EPHA8: variants seen among roughly 807,000 people sequenced by gnomAD.
The protein encoded by EPHA8 is EPH receptor A8.
A neutral mutation model predicts 103.6 loss-of-function variants in EPHA8; 58 were observed. The ratio of observed to expected loss-of-function variants is 0.56; its 90% CI spans 0.45 to 0.70. The LOEUF (loss-of-function observed/expected upper bound fraction) is 0.70. EPHA8 is among the 30% of genes least tolerant of loss of function. The pLI is 0.00. For synonymous variants in EPHA8, 559 were observed against 572.5 expected (o/e 0.98, Z 0.34); for missense variants, 1,304 against 1,395.2 (o/e 0.93, Z 1.04).
chr1:22,592,845 G>A, intron 5 of EPHA8, among the ~76,000 whole-genome samples: 1 of 151,940 alleles, frequency 6.6e-6, no homozygotes, highest in Non-Finnish European at 1.5e-5. Context: ...CGTCAAGGAG[G>A]GAGGGGTGGG....
chr1:22,580,127 C>CTTTT (rs764600240), intron 3 of EPHA8, among the ~76,000 whole-genome samples: 13 of 97,428 alleles, frequency 1.3e-4, no homozygotes, highest in African/African-American at 4.9e-4. Context: ...CTTTCTTTCT[C>CTTTT]TTTTTTTTTT....
At chr1:22,579,278 T>C (rs1640965163) in intron 3 of EPHA8, among the ~76,000 whole-genome samples, 1 of 151,846 alleles carries the variant, frequency 6.6e-6, no homozygotes, top group Non-Finnish European at 1.5e-5. Context: ...TGTCAGAGTG[T>C]ATATATGCAT....
intron 13 of EPHA8, 117 bp from the exon 14 acceptor site, chr1:22,600,544 G>T: frequency 7.3e-7 from 1 of 1,379,042 alleles, no homozygotes; most frequent in African/African-American, 1.4e-5. Flanking sequence ...GGTGGGGGCT[G>T]TGTTGTCCCT....
intron 5 of EPHA8, among the ~76,000 whole-genome samples, chr1:22,590,180 G>C (rs1641336149): frequency 6.6e-6 from 1 of 152,152 alleles, no homozygotes; most frequent in Admixed American, 6.5e-5. Context: ...AACACAGAGA[G>C]AGAGTGAGCT....
Position 22,593,591 on chromosome 1 carries a change from A to G in EPHA8, c.1508A>G (p.Lys503Arg), listed in dbSNP as rs772488857. The change falls in exon 7 of 17, where the codon AAG (lysine) becomes AGG (arginine). Residue 503 changes from lysine (K) to arginine (R), a missense_variant. Lys to Arg is a conservative substitution (Grantham distance 26). Transcript: ENST00000166244. ...ACCAGAGCCACCGTCTCCGGCCTCA[A>G]GCCGGGCACCCGCTACGTGTTCCAG... ...VTTRATVSGL[K>R]PGTRYVFQVR... is the part of the protein sequence containing the mutation. 1.2e-6 allele frequency: 2 copies of G among 1,611,826 alleles called. No individual in the cohort carries two copies. The highest frequency in any genetic ancestry group is 2.7e-5 in the African/African-American group (2 of 74,922).
intron 7 of EPHA8, among the ~76,000 whole-genome samples, chr1:22,594,811 G>C (rs1465288448): frequency 6.6e-6 from 1 of 152,212 alleles, no homozygotes; most frequent in Non-Finnish European, 1.5e-5. Context: ...CTTTCCATCT[G>C]AAAACTGAAG....
chr1:22,570,286 G>A (rs868609042), intron 2 of EPHA8, among the ~76,000 whole-genome samples: 18 of 151,352 alleles, frequency 1.2e-4, no homozygotes, highest in South Asian at 4.2e-4. Context: ...ATGCACGCGC[G>A]TACACACACA....
At chr1:22,599,635 AAGGGAGGGAGGGAAGGAAGGAAAGG>A (rs1641623712) in intron 13 of EPHA8, among the ~76,000 whole-genome samples, 1 of 65,614 alleles carries the variant, frequency 1.5e-5, no homozygotes, top group Non-Finnish European at 2.8e-5. Flanking sequence ...GGAAGGAAGG[AAGGGAGGGAGGGAAGGAAGGAAAGG>A]AGGGAGGGAG....
chr1:22,600,243 A>G (rs1411883362), intron 13 of EPHA8, among the ~76,000 whole-genome samples: 1 of 143,782 alleles, frequency 7.0e-6, no homozygotes, highest in African/African-American at 2.6e-5. Context: ...GAGGGAAGGA[A>G]GGACAGAAGG....
chr1:22,593,822 G>A (rs1051081139), intron 7 of EPHA8, 136 bp downstream of exon 7: 18 of 1,125,466 alleles, frequency 1.6e-5, no homozygotes, highest in Non-Finnish European at 2.2e-5. Context: ...GCCCTACCAA[G>A]TGGGGTTGTC....
rs140405258 is a variant in EPHA8 at position 22,593,020 on chromosome 1, C to T, written c.1316-306C>T. On this transcript the variant is annotated intron_variant, in intron 5 of 16. Coordinates refer to ENST00000166244, the MANE Select transcript of EPHA8 (RefSeq NM_020526.5). The stretch of plus-strand genomic sequence containing the variant: ...CTGACCTTTCCTCCTTCCTCAAGCA[C>T]TCCCAAGCAGCTGGTCCATGCCGGG... Among the ~76,000 whole-genome samples the T allele has an allele frequency of 5.3e-3, 811 of 152,316 alleles. 2 individuals carry two copies. Among genetic ancestry groups the T allele is most frequent in the Non-Finnish European group, 7.9e-3 (539 of 68,034 alleles).
chr1:22,586,302 C>T (rs932397436), intron 3 of EPHA8, among the ~76,000 whole-genome samples, 178 bp from the exon 4 acceptor site: 5 of 141,238 alleles, frequency 3.5e-5, no homozygotes, highest in Non-Finnish European at 6.4e-5. Flanking sequence ...AGACACAGGC[C>T]CCCTCTGCAC....
chr1:22,585,458 C>G (rs1326523768), intron 3 of EPHA8, among the ~76,000 whole-genome samples: 1 of 152,188 alleles, frequency 6.6e-6, no homozygotes, highest in Non-Finnish European at 1.5e-5. Context: ...ATATCATCTC[C>G]TCCTCTGGGA....
chr1:22,576,646 C>G lies in EPHA8; in HGVS notation c.589C>G (p.Leu197Val). 3.1e-6 allele frequency: 5 copies of G among 1,613,942 alleles called. 1 individual carries two copies. Among genetic ancestry groups the G allele is most frequent in the Non-Finnish European group, 4.2e-6 (5 of 1,180,038 alleles). The change falls in exon 3 of 17, where the codon CTC (leucine) becomes GTC (valine). Residue 197 changes from leucine to valine, a missense_variant. Coordinates refer to ENST00000166244, the MANE Select transcript of EPHA8 (RefSeq NM_020526.5). The surrounding 1 kb of genome is among the most constrained non-coding windows in gnomAD (Gnocchi z 4.8). The part of the protein sequence containing the change: ...DIGACLAILS[L>V]RIYYKKCPAM... ...AGGTGCCTGCCTGGCCATCCTCTCT[C>G]TCCGCATCTACTATAAGAAGTGCCC... is the stretch of plus-strand genomic sequence containing the variant.
At chr1:22,596,048 G>A (rs1641508049) in intron 8 of EPHA8, 58 bp from the exon 9 acceptor site, 2 of 1,547,712 alleles carry the variant, frequency 1.3e-6, no homozygotes, top group Non-Finnish European at 1.8e-6. Context: ...CCTGGTTGGG[G>A]TCAGGTCCCG....
chr1:22,584,953 G>A (rs1409493455), intron 3 of EPHA8, among the ~76,000 whole-genome samples: 4 of 152,158 alleles, frequency 2.6e-5, no homozygotes, highest in Non-Finnish European at 5.9e-5. Context: ...ACTGACAAGC[G>A]AGTACAGCCA....
intron 13 of EPHA8, among the ~76,000 whole-genome samples, chr1:22,600,183 AGGAG>A (rs1641678970): frequency 7.5e-5 from 9 of 119,812 alleles, no homozygotes; most frequent in Middle Eastern, 4.5e-3. Context: ...GAAGGAAAGA[AGGAG>A]GGAAGGAAAG....
chr1:22,600,935 C>A lies in EPHA8; in HGVS notation c.2576C>A (p.Ala859Glu). Residue 859 changes from alanine to glutamate, a missense_variant, in exon 15 of 17, where the codon GCA (alanine) becomes GAA (glutamate). Coordinates refer to ENST00000166244, the MANE Select transcript of EPHA8 (RefSeq NM_020526.5). The stretch of plus-strand genomic sequence containing the variant: ...GTGGAGGAGGGGTACCGCCTGCCCG[C>A]ACCCATGGGCTGCCCCCACGCCCTG... The part of the protein sequence containing the change: ...SSVEEGYRLP[A>E]PMGCPHALHQ... The A allele has an allele frequency of 6.2e-7, 1 of 1,612,034 alleles. No individual in the cohort carries two copies. Among genetic ancestry groups the A allele is most frequent in the Non-Finnish European group, 8.5e-7 (1 of 1,179,390 alleles).
At position 22,576,098 on chromosome 1, in the gene EPHA8, G is replaced by A; in HGVS notation, c.160-119G>A. 8.3e-7 allele frequency: 1 copy of A among 1,209,006 alleles called. No homozygotes were observed. The allele number at this position is 1,209,006 out of a possible 1,614,324, so 74.9% of individuals were successfully genotyped here. On this transcript the variant is annotated intron_variant, in intron 2 of 16. Transcript: ENST00000166244. The surrounding 1 kb of genome is among the most constrained non-coding windows in gnomAD (Gnocchi z 4.8). ...GGGGCCTGGCATCTAGTAGCCACCA[G>A]GAGGCCAGCTCCTTTGTCTTTTTTT...
Sources: gnomAD v4.1 joint callset for allele counts (sites outside exome capture counted in the v4.1 genomes callset) on GRCh38, gnomAD v4.1.1 for gene constraint, Gnocchi (gnomAD v3.1) non-coding constraint, MANE v1.5 for transcripts, NCBI Gene and HGNC (gene_info 2026-07-23, HGNC 2026-07-21) for gene names.